ZMAT4: variants seen among roughly 807,000 people sequenced by gnomAD.
The protein encoded by ZMAT4 is zinc finger matrin-type 4, also known as zinc finger matrin-type protein 4.
Under a neutral mutation model 28.7 loss-of-function variants are expected in ZMAT4, and 17 were observed. The ratio of observed to expected loss-of-function variants is 0.59; its 90% CI spans 0.41 to 0.89. The LOEUF is 0.89. Ranked by LOEUF, ZMAT4 falls within the 40% of genes least tolerant of loss-of-function variation. The pLI, the probability that ZMAT4 is intolerant of heterozygous loss-of-function variation, is 0.00. For synonymous variants in ZMAT4, 117 were observed against 109.2 expected (o/e 1.07, Z -0.44); for missense variants, 240 against 283.8 (o/e 0.85, Z 1.11).
intron 5 of ZMAT4, among the ~76,000 whole-genome samples, chr8:40,633,596 TAAC>T (rs2118734514): frequency 6.6e-6 from 1 of 152,266 alleles, no homozygotes; most frequent in African/African-American, 2.4e-5. Context: ...ACCTGGAATG[TAAC>T]AACATCAAGG....
chr8:40,804,857 T>C (rs1271699055), intron 2 of ZMAT4, among the ~76,000 whole-genome samples: 1 of 150,978 alleles, frequency 6.6e-6, no homozygotes, highest in Non-Finnish European at 1.5e-5. Flanking sequence ...ATAATAATAA[T>C]AAAATAAAAT....
intron 5 of ZMAT4, among the ~76,000 whole-genome samples, chr8:40,656,447 T>C (rs1210910180): frequency 1.3e-5 from 2 of 152,160 alleles, no homozygotes; most frequent in Non-Finnish European, 2.9e-5. Context: ...CCTAGGCATA[T>C]ATTCAAGAGA....
At chr8:40,760,706 G>GTCTC (rs56024719) in intron 3 of ZMAT4, among the ~76,000 whole-genome samples, 58,634 of 142,178 alleles carry the variant, frequency 0.41, 12,135 homozygotes, top group East Asian at 0.58. Context: ...CTCTGTCACA[G>GTCTC]TCTCTCTCTC....
chr8:40,891,475 C>T (rs2150671842), intron 1 of ZMAT4, among the ~76,000 whole-genome samples: 1 of 152,128 alleles, frequency 6.6e-6, no homozygotes, highest in East Asian at 2.0e-4. Flanking sequence ...GCTCTTCCCG[C>T]ATCTGCACCT....
At chr8:40,630,625 A>T (rs2118723481) in intron 5 of ZMAT4, among the ~76,000 whole-genome samples, 1 of 152,314 alleles carries the variant, frequency 6.6e-6, no homozygotes, top group Non-Finnish European at 1.5e-5. Context: ...TCATATGTAC[A>T]CAAACGAAAA....
chr8:40,615,199 G>A (rs1291252838), intron 5 of ZMAT4, among the ~76,000 whole-genome samples: 1 of 152,020 alleles, frequency 6.6e-6, no homozygotes, highest in East Asian at 1.9e-4. Flanking sequence ...TAGTTTGGCT[G>A]GATATGAAAT....
rs578146364 is a variant in ZMAT4, at chr8:40,804,325, A to G, written c.102+21250T>C. On this transcript the variant is annotated intron_variant, in intron 2 of 6. Coordinates refer to ENST00000297737, the MANE Select transcript of ZMAT4 (RefSeq NM_024645.3). ...ATGTTGATAATAGGGGAGGCTGTGC[A>G]TGTGTGGGGCAGGGGATACATGAGA... Among the ~76,000 whole-genome samples, 6 of 152,278 alleles carry G rather than the reference A, an allele frequency of 3.9e-5. No individual in the cohort carries two copies. The East Asian group carries it at 9.6e-4, about 24-fold the overall frequency.
intron 5 of ZMAT4, among the ~76,000 whole-genome samples, chr8:40,672,751 GACAACTTGTTATCTGCCAGTA>G (rs1808731729): frequency 6.6e-6 from 1 of 152,182 alleles, no homozygotes; most frequent in Admixed American, 6.5e-5. Context: ...GAGTCACTGA[GACAACTTGTTATCTGCCAGTA>G]ACACAGGCAT....
At chr8:40,739,834 C>T (rs1416989191) in intron 3 of ZMAT4, among the ~76,000 whole-genome samples, 2 of 152,140 alleles carry the variant, frequency 1.3e-5, no homozygotes, top group African/African-American at 4.8e-5. Context: ...GTATGATATT[C>T]CCTCCCTGTG....
intron 5 of ZMAT4, among the ~76,000 whole-genome samples, chr8:40,616,128 A>C (rs1369334560): frequency 2.6e-5 from 4 of 152,264 alleles, no homozygotes; most frequent in African/African-American, 9.6e-5. Context: ...CAACAGACGC[A>C]TGAAAAAATG....
intron 5 of ZMAT4, among the ~76,000 whole-genome samples, chr8:40,647,649 G>C (rs10099213): frequency 0.41 from 61,966 of 151,958 alleles, 12,901 homozygotes; most frequent in African/African-American, 0.48. Context: ...AAAGACAGCA[G>C]TAACTTCTGC....
chr8:40,808,380 T>A, intron 2 of ZMAT4: 1 of 300,844 alleles, frequency 3.3e-6, no homozygotes, highest in Non-Finnish European at 6.5e-6. Flanking sequence ...AGCTTAAGGG[T>A]GAATTTGGAA....
chr8:40,667,273 A>G (rs1808457172), intron 5 of ZMAT4, among the ~76,000 whole-genome samples: 1 of 151,808 alleles, frequency 6.6e-6, no homozygotes, highest in Admixed American at 6.6e-5. Context: ...CTCCTGACTC[A>G]GCCTCCCGAG....
At chr8:40,748,896 G>T (rs1198556095) in intron 3 of ZMAT4, among the ~76,000 whole-genome samples, 1 of 152,046 alleles carries the variant, frequency 6.6e-6, no homozygotes, top group Non-Finnish European at 1.5e-5. Context: ...TTGAACTGTG[G>T]CTCCCACAAT....
chr8:40,860,836 C>A (rs143800124), intron 1 of ZMAT4, among the ~76,000 whole-genome samples: 2 of 152,260 alleles, frequency 1.3e-5, no homozygotes, highest in Admixed American at 6.5e-5. Context: ...GCAGTGCAAT[C>A]GGACCAATGA....
intron 3 of ZMAT4, among the ~76,000 whole-genome samples, chr8:40,730,779 A>AT (rs1324319533): frequency 6.6e-6 from 1 of 152,218 alleles, no homozygotes; most frequent in Non-Finnish European, 1.5e-5. Context: ...GGAGTAGGAA[A>AT]TTCCTGGAAT....
chr8:40,719,419 C>T lies in ZMAT4; in HGVS notation c.193-22018G>A, dbSNP rs114531106. 3.6e-3 allele frequency among the ~76,000 whole-genome samples: 540 copies of T among 151,698 alleles called. 5 individuals are homozygous for T. The highest frequency in any genetic ancestry group is 0.012 in the African/African-American group (508 of 41,342). Reference sequence around the variant, plus strand: ...ATCGTGCCATCCAACCTGGGTGTCACGCAAGATTCTGTCTCAAAACATAAA... The same window carrying T: ...ATCGTGCCATCCAACCTGGGTGTCATGCAAGATTCTGTCTCAAAACATAAA... On this transcript the variant is annotated intron_variant, in intron 3 of 6. Coordinates refer to ENST00000297737, the MANE Select transcript of ZMAT4 (RefSeq NM_024645.3).
chr8:40,649,117 GAC>G (rs1043557176), intron 5 of ZMAT4, among the ~76,000 whole-genome samples: 12 of 114,136 alleles, frequency 1.1e-4, no homozygotes, highest in East Asian at 3.2e-4. Context: ...CCAATTAAAA[GAC>G]ACAGACTGGC....
At chr8:40,730,136 C>T (rs1811475369) in intron 3 of ZMAT4, among the ~76,000 whole-genome samples, 1 of 152,150 alleles carries the variant, frequency 6.6e-6, no homozygotes. Flanking sequence ...TCACAATTAT[C>T]CATGAATGGA....
Sources: gnomAD v4.1 joint callset for allele counts (sites outside exome capture counted in the v4.1 genomes callset) on GRCh38, gnomAD v4.1.1 for gene constraint, MANE v1.5 for transcripts, NCBI Gene and HGNC (gene_info 2026-07-23, HGNC 2026-07-21) for gene names.